The following NKAIN2 variants were observed in gnomAD, a reference collection of about 807,000 sequenced individuals.
NKAIN2 encodes the protein sodium/potassium transporting ATPase interacting 2, also known as sodium/potassium-transporting ATPase subunit beta-1-interacting protein 2.
NKAIN2 carries 14 observed loss-of-function variants against 32.6 expected under a neutral mutation model. The observed-to-expected ratio is 0.43, with a 90% CI of 0.28 to 0.67. The LOEUF is 0.67. Among genes scored for constraint, NKAIN2 ranks in the 30% least tolerant of loss-of-function variants. NKAIN2 has a pLI of 0.17. For synonymous variants in NKAIN2, 80 were observed against 87.2 expected (o/e 0.92, Z 0.46); for missense variants, 198 against 258.3 (o/e 0.77, Z 1.60).
At chr6:124,793,360 G>T (rs903956826) in intron 5 of NKAIN2, among the ~76,000 whole-genome samples, 2 of 152,120 alleles carry the variant, frequency 1.3e-5, no homozygotes, top group Admixed American at 1.3e-4. Context: ...TTTATTCAAA[G>T]ATTAGGAAAG....
At chr6:123,851,971 G>A (rs1775366564) in intron 1 of NKAIN2, among the ~76,000 whole-genome samples, 1 of 151,460 alleles carries the variant, frequency 6.6e-6, no homozygotes, top group South Asian at 2.1e-4. Flanking sequence ...TAATCCATTT[G>A]TCTGTTTATA....
chr6:124,492,073 AAAG>A (rs1777885339), intron 3 of NKAIN2, among the ~76,000 whole-genome samples: 2 of 151,964 alleles, frequency 1.3e-5, no homozygotes, highest in South Asian at 4.1e-4. Context: ...AATAAAGGTA[AAAG>A]AAGACCTATT....
chr6:124,628,421 T>C (rs1188497242), intron 3 of NKAIN2, among the ~76,000 whole-genome samples: 3 of 152,160 alleles, frequency 2.0e-5, no homozygotes, highest in Admixed American at 2.0e-4. Context: ...GTCTTCATTA[T>C]GTTGAAGAAA....
chr6:124,635,016 CAAGGT>C (rs1186812665), intron 3 of NKAIN2, among the ~76,000 whole-genome samples: 1 of 137,366 alleles, frequency 7.3e-6, no homozygotes, highest in African/African-American at 2.7e-5. Flanking sequence ...AAGAAAAAGA[CAAGGT>C]AAGGAAAGGA....
intron 3 of NKAIN2, among the ~76,000 whole-genome samples, chr6:124,536,028 C>T (rs554349310): frequency 4.3e-4 from 66 of 152,292 alleles, no homozygotes; most frequent in African/African-American, 1.4e-3. Context: ...AGCAGGCCTG[C>T]GGAGACTGCC....
chr6:124,219,098 C>T lies in NKAIN2; in HGVS notation c.55-63907C>T, dbSNP rs570148716. On this transcript the variant is annotated intron_variant, in intron 1 of 6. Coordinates refer to ENST00000368417, the MANE Select transcript of NKAIN2 (RefSeq NM_001040214.3). ...AACACGTGGGAATAACAGGTTGCTC[C>T]CTCAAGAGGATTACAATTTAAGGTG... 2.5e-3 allele frequency among the ~76,000 whole-genome samples: 377 copies of T among 152,074 alleles called. 1 individual carries two copies. Among genetic ancestry groups the T allele is most frequent in the Middle Eastern group, 0.014 (4 of 294 alleles).
rs556167122 is a variant in NKAIN2, at chr6:123,884,915, T to G, written c.54+80661T>G. On this transcript the variant is annotated intron_variant, in intron 1 of 6. Transcript: ENST00000368417. ...TATATTTTTAGTTAATTGATTGTAG[T>G]AAATATAGCTAATTCTGTTGATTAT... 4.6e-4 allele frequency among the ~76,000 whole-genome samples: 70 copies of G among 152,312 alleles called. 1 individual carries two copies. The highest frequency in any genetic ancestry group is 1.6e-3 in the African/African-American group (66 of 41,580).
rs1256762367 is a variant in NKAIN2 at position 124,031,443 on chromosome 6, T to C, written c.54+227189T>C. 2.6e-5 allele frequency among the ~76,000 whole-genome samples: 4 copies of C among 152,302 alleles called. No homozygotes were observed. The East Asian group carries it at 7.7e-4, about 29-fold the overall frequency. On this transcript the variant is annotated intron_variant, in intron 1 of 6. Coordinates refer to ENST00000368417, the MANE Select transcript of NKAIN2 (RefSeq NM_001040214.3). ...GCTCTGATCTTAGTCATTTCTTGCCTTCTGTTAGCTTTTGAATGTGTTTGC... is the reference window on the plus strand; with the variant it reads ...GCTCTGATCTTAGTCATTTCTTGCCCTCTGTTAGCTTTTGAATGTGTTTGC...
chr6:124,016,271 G>A, intron 1 of NKAIN2, among the ~76,000 whole-genome samples: 1 of 152,084 alleles, frequency 6.6e-6, no homozygotes, highest in East Asian at 1.9e-4. Flanking sequence ...ACCTCTCGAA[G>A]AAATTTGGTA....
chr6:123,865,788 A>G (rs1007301400), intron 1 of NKAIN2, among the ~76,000 whole-genome samples: 8 of 152,200 alleles, frequency 5.3e-5, no homozygotes, highest in Non-Finnish European at 7.4e-5. Context: ...AATCAAAGAG[A>G]AGAATGGCTT....
At chr6:123,855,610 GC>G (rs1282434706) in intron 1 of NKAIN2, among the ~76,000 whole-genome samples, 5 of 152,170 alleles carry the variant, frequency 3.3e-5, no homozygotes, top group Non-Finnish European at 7.3e-5. Flanking sequence ...CACGGTTACT[GC>G]AGTTTTCTGT....
intron 1 of NKAIN2, among the ~76,000 whole-genome samples, chr6:123,838,278 A>G (rs1169713998): frequency 6.6e-6 from 1 of 152,128 alleles, no homozygotes; most frequent in Non-Finnish European, 1.5e-5. Context: ...TTTCTAATAT[A>G]CATGGAAACT....
Position 124,103,442 on chromosome 6 carries a change from T to G in NKAIN2, c.55-179563T>G, listed in dbSNP as rs1050770771. Among the ~76,000 whole-genome samples, 5 of 152,332 alleles carry G rather than the reference T, an allele frequency of 3.3e-5. No homozygotes were observed. The East Asian group carries it at 9.7e-4, about 29-fold the overall frequency. On this transcript the variant is annotated intron_variant, in intron 1 of 6. Coordinates refer to ENST00000368417, the MANE Select transcript of NKAIN2 (RefSeq NM_001040214.3). ...AACTACATCTGCATCTTCTAGAGTC[T>G]GTTACTATAATACTTCACAGCATTT...
intron 4 of NKAIN2, among the ~76,000 whole-genome samples, chr6:124,780,945 A>G (rs1779235638): frequency 6.6e-6 from 1 of 152,216 alleles, no homozygotes; most frequent in Non-Finnish European, 1.5e-5. Flanking sequence ...GTTTCCCACA[A>G]GTAGTATTAA....
intron 3 of NKAIN2, among the ~76,000 whole-genome samples, chr6:124,360,845 G>A (rs1799257289): frequency 6.6e-6 from 1 of 152,110 alleles, no homozygotes; most frequent in African/African-American, 2.4e-5. Context: ...TCCTGTTAAG[G>A]AAACTGAGAA....
chr6:124,427,782 A>G (rs1270453265), intron 3 of NKAIN2, among the ~76,000 whole-genome samples: 2 of 152,082 alleles, frequency 1.3e-5, no homozygotes, highest in African/African-American at 4.8e-5. Flanking sequence ...TAGACCACAT[A>G]TTTCCCTGAT....
intron 1 of NKAIN2, among the ~76,000 whole-genome samples, chr6:124,216,620 G>A (rs1337151670): frequency 6.6e-6 from 1 of 152,180 alleles, no homozygotes; most frequent in South Asian, 2.1e-4. Flanking sequence ...CAAATGTAGT[G>A]TGTAGTTTCT....
At chr6:124,618,689 C>T (rs547697947) in intron 3 of NKAIN2, among the ~76,000 whole-genome samples, 1 of 151,948 alleles carries the variant, frequency 6.6e-6, no homozygotes, top group African/African-American at 2.4e-5. Flanking sequence ...TTCTAAAAGA[C>T]AAAGATATTT....
At chr6:124,809,369 A>G (rs1334058109) in intron 5 of NKAIN2, among the ~76,000 whole-genome samples, 8 of 149,478 alleles carry the variant, frequency 5.4e-5, no homozygotes, top group Non-Finnish European at 1.0e-4. Flanking sequence ...CCTGAGAAAA[A>G]CAAGCAATGG....
Sources: gnomAD v4.1 joint callset for allele counts (sites outside exome capture counted in the v4.1 genomes callset) on GRCh38, gnomAD v4.1.1 for gene constraint, MANE v1.5 for transcripts, NCBI Gene and HGNC (gene_info 2026-07-23, HGNC 2026-07-21) for gene names.